Variants in SUPT6H observed in about 807,000 individuals in gnomAD.
SUPT6H encodes transcription elongation factor SPT6.
Under a neutral mutation model 222.3 loss-of-function variants are expected in SUPT6H, and 11 were observed. That is an observed-to-expected ratio of 0.05 (90% CI 0.03 to 0.08). The LOEUF is 0.08. Among genes scored for constraint, SUPT6H ranks in the 10% least tolerant of loss-of-function variants. The probability of loss-of-function intolerance (pLI) is 1.00; values close to 1 mark genes in which losing one functional copy is unlikely to be tolerated. For missense variants in SUPT6H, 1,422 were observed against 2,216.0 expected (o/e 0.64, Z 7.19); for synonymous variants, 762 against 801.2 (o/e 0.95, Z 0.83).
At chr17:28,700,042 G>A (rs1265268412) in intron 33 of SUPT6H, 131 bp from the exon 34 acceptor site, 3 of 1,441,888 alleles carry the variant, frequency 2.1e-6, no homozygotes, top group Non-Finnish European at 2.9e-6. Context: ...CACCAGGAAG[G>A]TTCTCCATCC....
chr17:28,687,594 C>T (rs1402638455), intron 23 of SUPT6H, 123 bp downstream of exon 23: 11 of 1,125,518 alleles, frequency 9.8e-6, no homozygotes, highest in Non-Finnish European at 1.4e-5. Context: ...CAAAATCACT[C>T]AGCTAGTGAG....
At chr17:28,692,615 G>C (rs1403433700) in intron 27 of SUPT6H, among the ~76,000 whole-genome samples, 1 of 148,248 alleles carries the variant, frequency 6.7e-6, no homozygotes, top group African/African-American at 2.5e-5. Context: ...AGTAATCCCA[G>C]CACTTTCAGG....
chr17:28,678,337 G>A, intron 9 of SUPT6H, 145 bp downstream of exon 9: 1 of 862,248 alleles, frequency 1.2e-6, no homozygotes, highest in South Asian at 1.5e-5. Flanking sequence ...AGAGACCCTA[G>A]TGATCGTAAG....
At chr17:28,690,353 C>T in intron 26 of SUPT6H, 124 bp downstream of exon 26, 1 of 1,238,472 alleles carries the variant, frequency 8.1e-7, no homozygotes, top group South Asian at 1.6e-5. Context: ...GCCAGGAGAG[C>T]ATTTTAAAAG....
chr17:28,697,766 G>A (rs372187303), intron 31 of SUPT6H, 33 bp downstream of exon 31: 201 of 1,612,068 alleles, frequency 1.2e-4, no homozygotes, highest in Admixed American at 3.3e-5. Flanking sequence ...AATGACACTT[G>A]CCAATCACTT....
intron 1 of SUPT6H, among the ~76,000 whole-genome samples, chr17:28,671,721 A>G (rs1567685763): frequency 6.6e-6 from 1 of 152,226 alleles, no homozygotes; most frequent in Non-Finnish European, 1.5e-5. Context: ...ACAGAATGCT[A>G]AGGAAAATTA....
At chr17:28,677,217 C>CAA (rs770661947) in intron 7 of SUPT6H, among the ~76,000 whole-genome samples, 2 of 132,276 alleles carry the variant, frequency 1.5e-5, no homozygotes, top group South Asian at 2.4e-4. Context: ...TACTAAAATA[C>CAA]AAAAAAAAAA....
At chr17:28,672,199 T>C (rs1423277208) in intron 1 of SUPT6H, among the ~76,000 whole-genome samples, 4 of 152,228 alleles carry the variant, frequency 2.6e-5, no homozygotes, top group African/African-American at 7.2e-5. Context: ...AAGCACCTTT[T>C]ATAAAGTTGG....
At chr17:28,674,652 G>C (rs1477118300) in intron 4 of SUPT6H, 39 bp downstream of exon 4, 1 of 1,596,784 alleles carries the variant, frequency 6.3e-7, no homozygotes, top group Non-Finnish European at 8.6e-7. Flanking sequence ...TGGGGGTAAA[G>C]GAAAAAGCCC....
At chr17:28,663,356 G>A (rs2072101112) in intron 1 of SUPT6H, among the ~76,000 whole-genome samples, 1 of 152,066 alleles carries the variant, frequency 6.6e-6, no homozygotes, top group South Asian at 2.1e-4. Context: ...TGGCTTGTGT[G>A]GCTGCTAGAT....
At position 28,674,537 on chromosome 17, in the gene SUPT6H, C is replaced by T. The variant is rs1159265734; in HGVS notation, c.269C>T (p.Thr90Ile). The T allele has an allele frequency of 6.2e-7, 1 of 1,614,164 alleles. No homozygotes were observed. The highest frequency in any genetic ancestry group is 1.1e-5 in the South Asian group (1 of 91,086). ...DDVGHKKRKR[T>I]SFDDRLEDDD... is the part of the protein sequence containing the mutation. ...CATGGGCAACACTTTGTTTCTTCAG[C>T]CTCTTTTGATGACCGCCTGGAGGAT... Residue 90 changes from threonine (T) to isoleucine (I), a missense_variant and splice_region_variant, in exon 4 of 37, where the codon ACC becomes ATC. By Grantham distance (89) the Thr-to-Ile change is moderately conservative. This residue lies in a region of SUPT6H where 89 missense variants were observed against 118.9 expected (regional missense o/e 0.75). Transcript: ENST00000314616.
At chr17:28,673,328 T>C in intron 1 of SUPT6H, 43 bp from the exon 2 acceptor site, 1 of 1,236,010 alleles carries the variant, frequency 8.1e-7, no homozygotes, top group South Asian at 1.3e-5. Flanking sequence ...CTCTGTACAA[T>C]CATGTGTCCG....
chr17:28,672,478 A>G (rs574898950), intron 1 of SUPT6H, among the ~76,000 whole-genome samples: 3 of 151,878 alleles, frequency 2.0e-5, no homozygotes, highest in South Asian at 2.1e-4. Context: ...CAGTGGTGCA[A>G]TCTCAGCTCA....
chr17:28,697,386 AT>A (rs747255256), intron 30 of SUPT6H, among the ~76,000 whole-genome samples: 1 of 152,210 alleles, frequency 6.6e-6, no homozygotes, highest in Non-Finnish European at 1.5e-5. Flanking sequence ...GTGAAGAGAA[AT>A]CTGGTGAATT....
At chr17:28,693,497 T>G (rs1013784025) in intron 27 of SUPT6H, among the ~76,000 whole-genome samples, 199 bp from the exon 28 acceptor site, 12 of 152,184 alleles carry the variant, frequency 7.9e-5, no homozygotes. Flanking sequence ...TGGCCAGTGG[T>G]GCCAAGCATC....
intron 10 of SUPT6H, 76 bp downstream of exon 10, chr17:28,678,710 AC>A (rs2030906847): frequency 1.2e-6 from 2 of 1,609,540 alleles, no homozygotes; most frequent in Non-Finnish European, 8.5e-7. Flanking sequence ...ACAAACCCAA[AC>A]CCCCCAGGCC....
intron 11 of SUPT6H, among the ~76,000 whole-genome samples, chr17:28,680,849 G>A (rs749536042): frequency 1.6e-4 from 25 of 152,090 alleles, no homozygotes; most frequent in Non-Finnish European, 2.9e-4. Flanking sequence ...GGGTTTCACC[G>A]TGTTAGCCAG....
At chr17:28,668,982 G>T (rs1457050139) in intron 1 of SUPT6H, among the ~76,000 whole-genome samples, 1 of 151,480 alleles carries the variant, frequency 6.6e-6, no homozygotes. Context: ...ATCTCTTTAG[G>T]GTCTTTACAG....
chr17:28,667,436 T>TATATATATATAC (rs56080250), intron 1 of SUPT6H, among the ~76,000 whole-genome samples: 2 of 132,440 alleles, frequency 1.5e-5, no homozygotes, highest in African/African-American at 5.6e-5. Flanking sequence ...TATATATATA[T>TATATATATATAC]GTATGTGTGT....
Sources: gnomAD v4.1 joint callset for allele counts (sites outside exome capture counted in the v4.1 genomes callset) on GRCh38, gnomAD v4.1.1 for gene constraint, gnomAD v4.1.1 regional missense constraint, MANE v1.5 for transcripts, NCBI Gene and HGNC (gene_info 2026-07-23, HGNC 2026-07-21) for gene names.